The following FHIT variants were observed in gnomAD, a reference collection of about 807,000 sequenced individuals.
FHIT encodes bis(5'-adenosyl)-triphosphatase.
Under a neutral mutation model 17.9 loss-of-function variants are expected in FHIT, and 19 were observed. That is an observed-to-expected ratio of 1.06 (90% CI 0.74 to 1.56). The LOEUF (loss-of-function observed/expected upper bound fraction) is 1.56. Ranked by LOEUF, FHIT falls within the 40% of genes most tolerant of loss-of-function variation. The probability of loss-of-function intolerance (pLI) is 0.00; values close to 1 mark genes in which losing one functional copy is unlikely to be tolerated. For missense variants in FHIT, 248 were observed against 189.2 expected (o/e 1.31, Z -1.82); for synonymous variants, 81 against 69.7 (o/e 1.16, Z -0.81).
intron 8 of FHIT, among the ~76,000 whole-genome samples, chr3:59,898,663 C>T (rs73839592): frequency 0.034 from 5,145 of 151,482 alleles, 267 homozygotes; most frequent in African/African-American, 0.11. Context: ...TTTTTTGGTA[C>T]TTTTAGTCCA....
intron 4 of FHIT, among the ~76,000 whole-genome samples, chr3:60,689,599 C>T (rs912344254): frequency 6.6e-6 from 1 of 152,134 alleles, no homozygotes; most frequent in Non-Finnish European, 1.5e-5. Context: ...ATTCTTTTCT[C>T]TCTCCATTGG....
intron 4 of FHIT, among the ~76,000 whole-genome samples, chr3:60,754,996 C>A (rs2042544552): frequency 6.6e-6 from 1 of 152,194 alleles, no homozygotes; most frequent in Admixed American, 6.5e-5. Context: ...AGGAAATCAT[C>A]TGCATCCTTC....
intron 4 of FHIT, among the ~76,000 whole-genome samples, chr3:60,779,441 A>G (rs1180907052): frequency 6.6e-6 from 1 of 152,178 alleles, no homozygotes; most frequent in Non-Finnish European, 1.5e-5. Context: ...AAACCCTGCC[A>G]GGTGATGGAA....
At chr3:59,915,835 G>A (rs566190727) in intron 8 of FHIT, among the ~76,000 whole-genome samples, 1 of 152,026 alleles carries the variant, frequency 6.6e-6, no homozygotes, top group African/African-American at 2.4e-5. Flanking sequence ...AGGAGGCTGA[G>A]GCAGGAGGAT....
At chr3:60,376,248 A>C (rs1157356661) in intron 5 of FHIT, among the ~76,000 whole-genome samples, 1 of 152,194 alleles carries the variant, frequency 6.6e-6, no homozygotes, top group Non-Finnish European at 1.5e-5. Flanking sequence ...TGCTTGACAC[A>C]TAGTGTCTAT....
At chr3:60,041,388 C>A (rs574325236) in intron 5 of FHIT, among the ~76,000 whole-genome samples, 1 of 152,158 alleles carries the variant, frequency 6.6e-6, no homozygotes, top group Admixed American at 6.5e-5. Flanking sequence ...TTCTTTCAGA[C>A]AGCAATAATT....
intron 5 of FHIT, among the ~76,000 whole-genome samples, chr3:60,143,903 T>C (rs1367299083): frequency 2.0e-5 from 3 of 152,096 alleles, no homozygotes; most frequent in Non-Finnish European, 4.4e-5. Flanking sequence ...CCATACAGCA[T>C]AAGCAAAATT....
chr3:59,776,410 G>T (rs189967517), intron 8 of FHIT, among the ~76,000 whole-genome samples: 1 of 152,184 alleles, frequency 6.6e-6, no homozygotes, highest in African/African-American at 2.4e-5. Flanking sequence ...GGCAAGACAG[G>T]CCCATGACTC....
chr3:59,972,195 A>G (rs1178764486), intron 7 of FHIT, among the ~76,000 whole-genome samples: 1 of 152,128 alleles, frequency 6.6e-6, no homozygotes, highest in African/African-American at 2.4e-5. Context: ...TGTTAAGTTC[A>G]GAACATATAA....
At chr3:60,504,125 A>C (rs1303805160) in intron 5 of FHIT, among the ~76,000 whole-genome samples, 1 of 152,292 alleles carries the variant, frequency 6.6e-6, no homozygotes, top group Non-Finnish European at 1.5e-5. Context: ...GATAGCCACC[A>C]ATGTCAGTCA....
chr3:59,874,568 C>T (rs1341158303), intron 8 of FHIT, among the ~76,000 whole-genome samples: 1 of 152,144 alleles, frequency 6.6e-6, no homozygotes, highest in Non-Finnish European at 1.5e-5. Context: ...TGCTTATTCC[C>T]TCACAGACTG....
At chr3:60,495,481 T>C (rs2034263804) in intron 5 of FHIT, among the ~76,000 whole-genome samples, 1 of 152,084 alleles carries the variant, frequency 6.6e-6, no homozygotes, top group African/African-American at 2.4e-5. Flanking sequence ...TACTCCCAGA[T>C]TTTTCCAAAT....
intron 1 of FHIT, among the ~76,000 whole-genome samples, chr3:61,210,529 C>T (rs2039427692): frequency 6.6e-6 from 1 of 152,248 alleles, no homozygotes; most frequent in African/African-American, 2.4e-5. Flanking sequence ...CCCAGCCTCG[C>T]TGCCGCCTTG....
intron 3 of FHIT, among the ~76,000 whole-genome samples, chr3:60,872,654 A>T (rs2107076259): frequency 6.6e-6 from 1 of 152,286 alleles, no homozygotes; most frequent in East Asian, 1.9e-4. Context: ...CATAACGGCA[A>T]TTTTCCTTTT....
intron 1 of FHIT, among the ~76,000 whole-genome samples, chr3:61,232,821 C>A (rs2040138722): frequency 6.6e-6 from 1 of 152,026 alleles, no homozygotes; most frequent in Non-Finnish European, 1.5e-5. Context: ...TAAGACTGGA[C>A]AGGAGAGCAG....
At chr3:61,019,568 G>A (rs1241377591) in intron 3 of FHIT, among the ~76,000 whole-genome samples, 1 of 152,210 alleles carries the variant, frequency 6.6e-6, no homozygotes, top group Admixed American at 6.5e-5. Flanking sequence ...ACCTAATGAG[G>A]TTCCAAAAAT....
At chr3:60,007,881 A>T (rs766955762) in intron 7 of FHIT, among the ~76,000 whole-genome samples, 1 of 152,160 alleles carries the variant, frequency 6.6e-6, no homozygotes, top group African/African-American at 2.4e-5. Context: ...AGGTCAGAGA[A>T]TTCTTTTATG....
At chr3:61,033,048 A>C (rs998379225) in intron 3 of FHIT, among the ~76,000 whole-genome samples, 2 of 152,224 alleles carry the variant, frequency 1.3e-5, no homozygotes, top group Non-Finnish European at 2.9e-5. Context: ...GTTTTGTTCT[A>C]TTCACGTCCT....
chr3:60,542,212 C>G (rs1245039369), intron 4 of FHIT, among the ~76,000 whole-genome samples: 4 of 152,176 alleles, frequency 2.6e-5, no homozygotes, highest in Non-Finnish European at 1.5e-5. Flanking sequence ...TCACTGCATT[C>G]CACTGTAGTA....
Sources: allele counts gnomAD v4.1 joint callset (sites outside exome capture counted in the v4.1 genomes callset), GRCh38; gene constraint gnomAD v4.1.1; transcripts MANE v1.5; gene names NCBI Gene and HGNC (gene_info 2026-07-23, HGNC 2026-07-21).